Variants in PCDHA2 observed in about 807,000 individuals in gnomAD.
PCDHA2 encodes protocadherin alpha 2, also known as protocadherin alpha-2.
PCDHA2 carries 58 observed loss-of-function variants against 66.0 expected under a neutral mutation model. That is an observed-to-expected ratio of 0.88 (90% CI 0.71 to 1.09). PCDHA2 has a LOEUF of 1.09. PCDHA2 is among the 50% of genes least tolerant of loss of function. The pLI is 0.00. For synonymous variants in PCDHA2, 634 were observed against 554.0 expected (o/e 1.14, Z -2.03); for missense variants, 1,267 against 1,242.3 (o/e 1.02, Z -0.30).
At chr5:140,870,993 A>G in intron 1 of PCDHA2, 1 of 1,613,424 alleles carries the variant, frequency 6.2e-7, no homozygotes, top group South Asian at 1.1e-5. Context: ...CGGGCGAGAT[A>G]AGCACAACGC....
chr5:140,898,548 T>C (rs1445483717), intron 1 of PCDHA2, among the ~76,000 whole-genome samples: 2 of 152,252 alleles, frequency 1.3e-5, no homozygotes, highest in Non-Finnish European at 2.9e-5. Context: ...CATTTATCTA[T>C]GTCTCTGTTT....
chr5:140,829,249 C>T, intron 1 of PCDHA2: 4 of 1,614,262 alleles, frequency 2.5e-6, no homozygotes, highest in Non-Finnish European at 3.4e-6. Context: ...GGCAGGTGAA[C>T]TGCTCGCTGA....
At position 140,857,343 on chromosome 5, in the gene PCDHA2, C is replaced by T. The variant is rs565903992; in HGVS notation, c.2388+59991C>T. 68 of 1,598,512 alleles carry T rather than the reference C, an allele frequency of 4.3e-5. 8 individuals carry two copies. The South Asian group carries it at 4.3e-4, about 10-fold the overall frequency. On this transcript the variant is annotated intron_variant, in intron 1 of 3. Coordinates refer to ENST00000526136, the MANE Select transcript of PCDHA2 (RefSeq NM_018905.3). ...GTGACCGCGCGGGACGGGGGCTCGC[C>T]TCCGCTGTGGGCCACGGCCAGCGTG...
At chr5:140,869,062 T>A (rs370962991) in intron 1 of PCDHA2, 2 of 1,558,588 alleles carry the variant, frequency 1.3e-6, no homozygotes, top group African/African-American at 2.7e-5. Context: ...TCTGGTACTG[T>A]AAGTGTAAAG....
At position 140,850,229 on chromosome 5, in the gene PCDHA2, C is replaced by G. The variant is rs2150474580; in HGVS notation, c.2388+52877C>G. ...TGAGGGGCACTGACGGCGCAGTGAGCGAGATGGTGCTGCGGTCGGTGGGCG... is the reference window on the plus strand; with the variant it reads ...TGAGGGGCACTGACGGCGCAGTGAGGGAGATGGTGCTGCGGTCGGTGGGCG... On this transcript the variant is annotated intron_variant, in intron 1 of 3. Transcript: ENST00000526136. The G allele has an allele frequency of 9.4e-6, 15 of 1,593,582 alleles. No individual in the cohort carries two copies. In the East Asian group the frequency reaches 3.3e-4, roughly 36 times the overall value.
intron 1 of PCDHA2, chr5:140,822,815 C>A: frequency 3.1e-6 from 5 of 1,614,130 alleles, no homozygotes; most frequent in Non-Finnish European, 4.2e-6. Context: ...GATAATACCC[C>A]AGAGATGGCC....
intron 1 of PCDHA2, chr5:140,823,149 G>A: frequency 1.2e-6 from 2 of 1,613,920 alleles, no homozygotes; most frequent in Non-Finnish European, 1.7e-6. Context: ...CGCAGCCCCA[G>A]TATACCGTGT....
intron 1 of PCDHA2, among the ~76,000 whole-genome samples, chr5:140,845,577 T>C (rs2150380022): frequency 1.3e-5 from 2 of 149,706 alleles, no homozygotes; most frequent in East Asian, 1.9e-4. Context: ...ATTTCTGGGA[T>C]TGAAATGTGT....
chr5:140,891,931 G>A (rs2063313924), intron 1 of PCDHA2, among the ~76,000 whole-genome samples: 1 of 152,168 alleles, frequency 6.6e-6, no homozygotes, highest in Non-Finnish European at 1.5e-5. Flanking sequence ...CTTGATCTTG[G>A]ACTTCCCCTA....
rs2153592349 is a variant in PCDHA2 at position 140,927,874 on chromosome 5, G to A, written c.2389-51075G>A. 1.9e-6 allele frequency: 3 copies of A among 1,614,102 alleles called. No individual in the cohort carries two copies. The East Asian group carries it at 6.7e-5, about 36-fold the overall frequency. Reference sequence around the variant, plus strand: ...TTTAGCTAGCACCGCTAAACTGCTGGTGGAGGTGACTGACGTGAACGATCA... The same window carrying A: ...TTTAGCTAGCACCGCTAAACTGCTGATGGAGGTGACTGACGTGAACGATCA... On this transcript the variant is annotated intron_variant, in intron 1 of 3. Coordinates refer to ENST00000526136, the MANE Select transcript of PCDHA2 (RefSeq NM_018905.3).
Position 140,796,879 on chromosome 5 carries a change from G to T in PCDHA2, c.1915G>T (p.Glu639Ter), listed in dbSNP as rs782493652. 6.2e-7 allele frequency: 1 copy of T among 1,614,008 alleles called. No homozygotes were observed. Among genetic ancestry groups the T allele is most frequent in the Non-Finnish European group, 8.5e-7 (1 of 1,179,980 alleles). The change falls in exon 1 of 4, where the codon GAG becomes TAG. Residue 639 changes from glutamate to a stop codon, truncating the protein, a stop_gained. Coordinates refer to ENST00000526136, the MANE Select transcript of PCDHA2 (RefSeq NM_018905.3). LOFTEE classifies it high-confidence loss of function. The part of the protein sequence containing the change: ...GEISTTRALD[E>*]ADSPRHRLLV... The stretch of plus-strand genomic sequence containing the variant: ...GATCAGCACGACACGTGCCCTAGAC[G>T]AGGCTGACTCCCCTCGACACCGCCT...
chr5:140,967,361 C>G (rs1323729968), intron 1 of PCDHA2: 9 of 1,607,256 alleles, frequency 5.6e-6, no homozygotes, highest in African/African-American at 1.3e-5. Context: ...GGACCTTAAG[C>G]CCCTGCAGGA....
In PCDHA2 at chr5:140,797,299, G is replaced by A; in HGVS notation, c.2335G>A (p.Gly779Ser). Residue 779 changes from glycine to serine, a missense_variant, in exon 1 of 4, where the codon GGT becomes AGT. Gly to Ser is a moderately conservative substitution (Grantham distance 56). Transcript: ENST00000526136. ...GGCCTTCAGCCCTAGCTTATCTCAA[G>A]GTCCAGACTCCGCAGAAGAGAAACA... is the stretch of plus-strand genomic sequence containing the variant. ...LMAFSPSLSQ[G>S]PDSAEEKQLS... The A allele has an allele frequency of 6.2e-7, 1 of 1,614,192 alleles. No individual in the cohort carries two copies.
In PCDHA2 at chr5:140,828,940, C is replaced by G. The variant is rs2150161042; in HGVS notation, c.2388+31588C>G. The G allele has an allele frequency of 9.3e-6, 15 of 1,614,160 alleles. No homozygotes were observed. In the South Asian group the frequency reaches 1.4e-4, roughly 15 times the overall value. Reference sequence around the variant, plus strand: ...GGGCAATTTCATATTCTTTTAATAGCCTTGTTGCAGCCATGGTTATTGACC... The same window carrying G: ...GGGCAATTTCATATTCTTTTAATAGGCTTGTTGCAGCCATGGTTATTGACC... On this transcript the variant is annotated intron_variant, in intron 1 of 3. Coordinates refer to ENST00000526136, the MANE Select transcript of PCDHA2 (RefSeq NM_018905.3).
At position 140,870,595 on chromosome 5, in the gene PCDHA2, T is replaced by G. The variant is rs573002634; in HGVS notation, c.2388+73243T>G. ...GTCCTACTCGCTGGTGGAGCGGCGG[T>G]TGGGCGACCGCGCGCTGTCGAGCTA... On this transcript the variant is annotated intron_variant, in intron 1 of 3. Transcript: ENST00000526136. The G allele has an allele frequency of 8.9e-5, 144 of 1,613,242 alleles. No homozygotes were observed. The South Asian group carries it at 9.4e-4, about 11-fold the overall frequency.
At chr5:140,943,729 A>C (rs1215938127) in intron 1 of PCDHA2, among the ~76,000 whole-genome samples, 2 of 152,256 alleles carry the variant, frequency 1.3e-5, no homozygotes, top group Non-Finnish European at 2.9e-5. Context: ...TGAGAGAATG[A>C]AAGTCCACAG....
At chr5:140,802,557 G>T (rs782054123) in intron 1 of PCDHA2, 1 of 1,614,172 alleles carries the variant, frequency 6.2e-7, no homozygotes, top group Non-Finnish European at 8.5e-7. Flanking sequence ...CAATGCGCCG[G>T]CATTCTCGCA....
intron 1 of PCDHA2, among the ~76,000 whole-genome samples, chr5:140,872,369 G>A (rs192689204): frequency 1.3e-4 from 20 of 152,274 alleles, no homozygotes; most frequent in Admixed American, 1.2e-3. Context: ...GTTCAGGCCT[G>A]TAATCCCAGC....
At chr5:140,898,321 G>A (rs370229202) in intron 1 of PCDHA2, among the ~76,000 whole-genome samples, 42 of 152,060 alleles carry the variant, frequency 2.8e-4, no homozygotes, top group Non-Finnish European at 1.2e-4. Flanking sequence ...TTATGGTTTT[G>A]GGTCTAACGT....
Sources: allele counts gnomAD v4.1 joint callset (sites outside exome capture counted in the v4.1 genomes callset), GRCh38; gene constraint gnomAD v4.1.1; transcripts MANE v1.5; gene names NCBI Gene and HGNC (gene_info 2026-07-23, HGNC 2026-07-21).